The following KHDRBS2 variants were observed in gnomAD, a reference collection of about 807,000 sequenced individuals.
KHDRBS2 encodes KH domain-containing, RNA-binding, signal transduction-associated protein 2.
In KHDRBS2, 26 loss-of-function variants were observed where a neutral mutation model predicts 44.3. That is an observed-to-expected ratio of 0.59 (90% CI 0.43 to 0.81). The LOEUF is 0.81. Ranked by LOEUF, KHDRBS2 falls within the 40% of genes least tolerant of loss-of-function variation. The probability of loss-of-function intolerance (pLI) is 0.00; values close to 1 mark genes in which losing one functional copy is unlikely to be tolerated. For missense variants in KHDRBS2, 476 were observed against 433.1 expected, an observed-to-expected ratio of 1.10 and a Z score of -0.88; for synonymous variants, 194 against 151.1, an observed-to-expected ratio of 1.28 and a Z score of -2.08.
intron 2 of KHDRBS2, among the ~76,000 whole-genome samples, chr6:62,055,919 A>G (rs1790182308): frequency 6.6e-6 from 1 of 151,978 alleles, no homozygotes; most frequent in Non-Finnish European, 1.5e-5. Flanking sequence ...CTGTCCACAA[A>G]TTCCCAGTTC....
chr6:61,877,547 A>G (rs1426977599), intron 6 of KHDRBS2, among the ~76,000 whole-genome samples: 1 of 151,618 alleles, frequency 6.6e-6, no homozygotes, highest in Non-Finnish European at 1.5e-5. Context: ...ACAAACCTAC[A>G]CTGCTCCCCT....
chr6:62,121,955 C>T (rs1807757129), intron 2 of KHDRBS2, among the ~76,000 whole-genome samples: 1 of 152,172 alleles, frequency 6.6e-6, no homozygotes, highest in African/African-American at 2.4e-5. Context: ...TTGGCCCCTA[C>T]TACCACCAAG....
intron 1 of KHDRBS2, among the ~76,000 whole-genome samples, chr6:62,209,686 C>A (rs1218213931): frequency 2.6e-5 from 4 of 152,084 alleles, no homozygotes; most frequent in Non-Finnish European, 5.9e-5. Context: ...GCAGACCCAC[C>A]CTCAATCTGG....
At chr6:62,201,853 A>G (rs1827062759) in intron 1 of KHDRBS2, among the ~76,000 whole-genome samples, 2 of 152,040 alleles carry the variant, frequency 1.3e-5, no homozygotes, top group Non-Finnish European at 2.9e-5. Context: ...CAATGTTTAC[A>G]CAATTCAAAG....
At chr6:61,946,185 C>T (rs112802337) in intron 4 of KHDRBS2, among the ~76,000 whole-genome samples, 1,969 of 152,290 alleles carry the variant, frequency 0.013, 48 homozygotes, top group African/African-American at 0.044. Flanking sequence ...AACAACTGGA[C>T]ATTATAAACA....
At chr6:62,251,798 T>C (rs1836581628) in intron 1 of KHDRBS2, among the ~76,000 whole-genome samples, 1 of 151,950 alleles carries the variant, frequency 6.6e-6, no homozygotes, top group Admixed American at 6.6e-5. Flanking sequence ...AAATAGGTTG[T>C]TTCCTGCAGA....
chr6:61,940,387 T>C (rs1377738297), intron 4 of KHDRBS2, among the ~76,000 whole-genome samples: 1 of 152,082 alleles, frequency 6.6e-6, no homozygotes. Flanking sequence ...ATCCTAGCCA[T>C]GGAAGAGCAC....
intron 7 of KHDRBS2, among the ~76,000 whole-genome samples, chr6:61,701,693 CA>C (rs1249010965): frequency 6.6e-6 from 1 of 151,868 alleles, no homozygotes; most frequent in Non-Finnish European, 1.5e-5. Context: ...AAAGACAAAA[CA>C]AAACAAAACA....
chr6:61,666,931 T>C, the KHDRBS2 span, among the ~76,000 whole-genome samples: 4 of 150,906 alleles, frequency 2.7e-5, no homozygotes, highest in East Asian at 7.8e-4. Context: ...AATGAAATTG[T>C]TTAGTAAATT....
At chr6:62,239,465 C>T (rs1486339442) in intron 1 of KHDRBS2, among the ~76,000 whole-genome samples, 3 of 151,886 alleles carry the variant, frequency 2.0e-5, no homozygotes, top group Non-Finnish European at 2.9e-5. Context: ...CCCAGCTACT[C>T]GGGAGGCTGA....
chr6:61,556,593 G>A, the KHDRBS2 span, among the ~76,000 whole-genome samples: 2 of 152,012 alleles, frequency 1.3e-5, no homozygotes, highest in African/African-American at 4.8e-5. Context: ...AGGAAAATAT[G>A]GAGTTTAGCC....
At chr6:62,020,668 A>G (rs1316011127) in intron 3 of KHDRBS2, among the ~76,000 whole-genome samples, 2 of 151,790 alleles carry the variant, frequency 1.3e-5, no homozygotes, top group Admixed American at 6.6e-5. Flanking sequence ...TTATCAACTG[A>G]CCCCTTAACA....
intron 4 of KHDRBS2, among the ~76,000 whole-genome samples, chr6:61,969,146 T>C (rs1476822058): frequency 2.6e-5 from 4 of 151,994 alleles, no homozygotes; most frequent in African/African-American, 9.7e-5. Flanking sequence ...AATGCAAGGG[T>C]AGCAAGTTTA....
chr6:61,863,779 C>T (rs1430418459), intron 6 of KHDRBS2, among the ~76,000 whole-genome samples: 1 of 152,124 alleles, frequency 6.6e-6, no homozygotes, highest in Non-Finnish European at 1.5e-5. Context: ...GTGGAGAGTT[C>T]TATAGATATC....
intron 2 of KHDRBS2, among the ~76,000 whole-genome samples, chr6:62,169,145 G>T (rs1037713907): frequency 1.6e-5 from 1 of 62,452 alleles, no homozygotes; most frequent in East Asian, 4.1e-4. Flanking sequence ...ACACATATAT[G>T]TGTGTATATA....
chr6:62,202,259 C>A (rs1480090452), intron 1 of KHDRBS2, among the ~76,000 whole-genome samples: 1 of 152,084 alleles, frequency 6.6e-6, no homozygotes, highest in South Asian at 2.1e-4. Flanking sequence ...TTCTTAGAGA[C>A]TCCCACACCA....
At chr6:62,012,760 A>G (rs1780534642) in intron 3 of KHDRBS2, among the ~76,000 whole-genome samples, 1 of 151,968 alleles carries the variant, frequency 6.6e-6, no homozygotes, top group African/African-American at 2.4e-5. Context: ...TTTCTTGACT[A>G]CTCTAACTAC....
chr6:62,139,634 C>T (rs748445492), intron 2 of KHDRBS2, among the ~76,000 whole-genome samples: 43 of 151,920 alleles, frequency 2.8e-4, no homozygotes, highest in Non-Finnish European at 2.9e-4. Flanking sequence ...TGTTTATTGC[C>T]CCATCTCTTA....
chr6:61,891,598 A>G (rs1801855047), intron 6 of KHDRBS2, among the ~76,000 whole-genome samples: 1 of 152,170 alleles, frequency 6.6e-6, no homozygotes, highest in African/African-American at 2.4e-5. Flanking sequence ...GGTTCAACAT[A>G]AGCAAATCAA....
Sources: gnomAD v4.1 joint callset for allele counts (sites outside exome capture counted in the v4.1 genomes callset) on GRCh38, gnomAD v4.1.1 for gene constraint, MANE v1.5 for transcripts, NCBI Gene and HGNC (gene_info 2026-07-23, HGNC 2026-07-21) for gene names.